The following PSME4 variants were observed in gnomAD, a reference collection of about 807,000 sequenced individuals.
PSME4 encodes the protein proteasome activator complex subunit 4.
A neutral mutation model predicts 253.9 loss-of-function variants in PSME4; 89 were observed. That is an observed-to-expected ratio of 0.35 (90% CI 0.30 to 0.42). The LOEUF is 0.42. PSME4 is among the 10% of genes least tolerant of loss of function. PSME4 has a pLI of 1.00. For synonymous variants in PSME4, 851 were observed against 759.2 expected (o/e 1.12, Z -1.99); for missense variants, 2,014 against 2,195.2 (o/e 0.92, Z 1.65).
At chr2:53,928,018 A>C (rs1469125233) in intron 11 of PSME4, 99 bp downstream of exon 11, 15 of 765,690 alleles carry the variant, frequency 2.0e-5, no homozygotes, top group Non-Finnish European at 3.1e-5. Context: ...TTTCATATTT[A>C]TATTAGGCTT....
At chr2:53,959,365 A>C (rs1276378488) in intron 1 of PSME4, among the ~76,000 whole-genome samples, 4 of 151,810 alleles carry the variant, frequency 2.6e-5, no homozygotes, top group African/African-American at 9.7e-5. Context: ...ACTCTGTCTC[A>C]AAAAAAAGAG....
intron 15 of PSME4, 25 bp from the exon 16 acceptor site, chr2:53,923,143 G>A (rs1488070993): frequency 6.3e-7 from 1 of 1,576,160 alleles, no homozygotes; most frequent in South Asian, 1.2e-5. Flanking sequence ...GTATAAGTAA[G>A]GCTTTTTTGA....
At chr2:53,879,289 G>C (rs1679273012) in intron 41 of PSME4, among the ~76,000 whole-genome samples, 1 of 152,228 alleles carries the variant, frequency 6.6e-6, no homozygotes, top group African/African-American at 2.4e-5. Flanking sequence ...ATTGGATCTA[G>C]AGAGTGTCTG....
intron 14 of PSME4, among the ~76,000 whole-genome samples, 156 bp from the exon 15 acceptor site, chr2:53,923,575 G>GTTAC (rs1218634242): frequency 6.6e-6 from 1 of 152,160 alleles, no homozygotes. Context: ...GTTTAATGAT[G>GTTAC]TTACATTCAG....
intron 30 of PSME4, 68 bp downstream of exon 30, chr2:53,898,233 C>T: frequency 7.1e-7 from 1 of 1,407,314 alleles, no homozygotes; most frequent in South Asian, 1.3e-5. Context: ...TCATAGCCTT[C>T]CATGTAGAAA....
At chr2:53,889,198 T>C (rs1405904590) in intron 37 of PSME4, among the ~76,000 whole-genome samples, 2 of 152,150 alleles carry the variant, frequency 1.3e-5, no homozygotes, top group African/African-American at 2.4e-5. Flanking sequence ...TGAAAACATA[T>C]ATAAGTATAG....
chr2:53,932,024 G>A lies in PSME4; in HGVS notation c.1127C>T (p.Pro376Leu). 2 of 1,613,450 alleles carry A rather than the reference G, an allele frequency of 1.2e-6. No homozygotes were observed. The highest frequency in any genetic ancestry group is 1.7e-6 in the Non-Finnish European group (2 of 1,179,460). ...RRLHRERYKK[P>L]SWLTPVPDSH... ...ATCAGGCACAGGAGTTAACCAAGAGGGCTTCTTGTATCTTTCACGATGCAA... is the reference window on the plus strand; with the variant it reads ...ATCAGGCACAGGAGTTAACCAAGAGAGCTTCTTGTATCTTTCACGATGCAA... The change falls in exon 10 of 47, where the codon CCC (proline) becomes CTC (leucine). Residue 376 changes from proline to leucine, a missense_variant. By Grantham distance (98) the Pro-to-Leu change is moderately conservative. Coordinates refer to ENST00000404125, the MANE Select transcript of PSME4 (RefSeq NM_014614.3).
intron 6 of PSME4, 130 bp from the exon 7 acceptor site, chr2:53,936,291 CTT>C (rs1027171513): frequency 7.7e-6 from 10 of 1,300,180 alleles, no homozygotes; most frequent in Admixed American, 3.4e-5. Context: ...TAGTTTATGA[CTT>C]TGTTTTTTTT....
At chr2:53,868,795 A>G (rs1022395215) in intron 44 of PSME4, among the ~76,000 whole-genome samples, 6 of 151,560 alleles carry the variant, frequency 4.0e-5, no homozygotes, top group African/African-American at 1.5e-4. Flanking sequence ...TGTATTTTCT[A>G]TTATGATTAC....
chr2:53,920,859 C>G (rs1249104816), intron 18 of PSME4, 30 bp downstream of exon 18: 1 of 1,527,548 alleles, frequency 6.5e-7, no homozygotes, highest in Non-Finnish European at 9.0e-7. Context: ...TCAACATATT[C>G]TTGAATCCTA....
In PSME4 at chr2:53,888,724, G is replaced by T; in HGVS notation, c.4385C>A (p.Ala1462Glu). Residue 1462 changes from alanine (A) to glutamate (E), a missense_variant, in exon 38 of 47, where the codon GCA (alanine) becomes GAA (glutamate). By Grantham distance (107) the Ala-to-Glu change is moderately radical. Coordinates refer to ENST00000404125, the MANE Select transcript of PSME4 (RefSeq NM_014614.3). ...LSGEGGSFVD[A>E]CRLYVLQGGL... Reference sequence around the variant, plus strand: ...TAGGTTTTTTAAAAAAATTTACCATGCATCTACAAAGGATCCTCCTTCACC... The same window carrying T: ...TAGGTTTTTTAAAAAAATTTACCATTCATCTACAAAGGATCCTCCTTCACC... 6.2e-7 allele frequency: 1 copy of T among 1,605,454 alleles called. No individual in the cohort carries two copies.
At position 53,949,199 on chromosome 2, in the gene PSME4, T is replaced by C; in HGVS notation, c.327A>G (p.Pro109=). 6.2e-7 allele frequency: 1 copy of C among 1,612,142 alleles called. No homozygotes were observed. The highest frequency in any genetic ancestry group is 2.2e-5 in the East Asian group (1 of 44,816). Residue 109 remains proline (P), a synonymous_variant, in exon 2 of 47, where the codon CCA becomes CCG. Transcript: ENST00000404125. ...IKLLYELVSI[P]KLEISMMQGF... ...CCTGCATCATGCTGATTTCCAGTTTTGGAATTGATACCAGCTCATACAATA... is the reference window on the plus strand; with the variant it reads ...CCTGCATCATGCTGATTTCCAGTTTCGGAATTGATACCAGCTCATACAATA...
chr2:53,923,334 C>T lies in PSME4; in HGVS notation c.1895G>A (p.Arg632His), dbSNP rs377452212. The T allele has an allele frequency of 9.9e-5, 159 of 1,605,134 alleles. No individual in the cohort carries two copies. Among genetic ancestry groups the T allele is most frequent in the Non-Finnish European group, 1.2e-4 (142 of 1,177,760 alleles). ...VAGRMVADMC[R>H]AAVKCCPEES... is the part of the protein sequence containing the mutation. Reference sequence around the variant, plus strand: ...AAATAAACTCACCTTTACAGCAGCGCGGCACATGTCTGCCACCATGCGACC... The same window carrying T: ...AAATAAACTCACCTTTACAGCAGCGTGGCACATGTCTGCCACCATGCGACC... Residue 632 changes from arginine (R) to histidine (H), a missense_variant, in exon 15 of 47, where the codon CGC (arginine) becomes CAC (histidine). Coordinates refer to ENST00000404125, the MANE Select transcript of PSME4 (RefSeq NM_014614.3).
chr2:53,956,779 T>A (rs577384605), intron 1 of PSME4, among the ~76,000 whole-genome samples: 2 of 151,972 alleles, frequency 1.3e-5, no homozygotes, highest in East Asian at 2.0e-4. Context: ...AATGAAAAAA[T>A]TAATATCAAA....
Position 53,869,712 on chromosome 2 carries a change from G to C in PSME4, c.5101-174C>G, listed in dbSNP as rs535975422. Reference sequence around the variant, plus strand: ...ATTTCAGCAGATTCTCAAAGAGTTTGTGGCCTCATAATGGATAAAAACTAC... The same window carrying C: ...ATTTCAGCAGATTCTCAAAGAGTTTCTGGCCTCATAATGGATAAAAACTAC... On this transcript the variant is annotated intron_variant, in intron 43 of 46. Coordinates refer to ENST00000404125, the MANE Select transcript of PSME4 (RefSeq NM_014614.3). 5.6e-5 allele frequency: 25 copies of C among 445,254 alleles called. No individual in the cohort carries two copies. In the East Asian group the frequency reaches 8.0e-4, roughly 14 times the overall value. 27.6% of individuals were successfully genotyped at this position (445,254 alleles called of 1,614,324 possible). A position where few individuals can be genotyped will look rare whatever the true frequency, so the allele number is the denominator to read the frequency against.
chr2:53,956,790 G>A (rs1277177561), intron 1 of PSME4, among the ~76,000 whole-genome samples: 2 of 151,820 alleles, frequency 1.3e-5, no homozygotes, highest in African/African-American at 4.8e-5. Flanking sequence ...TAATATCAAA[G>A]TTCTAATGTA....
intron 29 of PSME4, among the ~76,000 whole-genome samples, chr2:53,898,666 C>T (rs1680253297): frequency 6.6e-6 from 1 of 151,798 alleles, no homozygotes; most frequent in African/African-American, 2.4e-5. Flanking sequence ...CACACACACA[C>T]ACACACGATA....
intron 14 of PSME4, among the ~76,000 whole-genome samples, chr2:53,925,017 T>A (rs1668497514): frequency 6.6e-6 from 1 of 152,244 alleles, no homozygotes; most frequent in Admixed American, 6.5e-5. Context: ...GCAACATAAC[T>A]CATGCCTGTT....
intron 41 of PSME4, among the ~76,000 whole-genome samples, chr2:53,877,977 T>C (rs1006056290): frequency 5.3e-5 from 8 of 152,186 alleles, no homozygotes; most frequent in African/African-American, 1.9e-4. Context: ...CTGGGAAAAA[T>C]CGGGATGTTT....
Sources: allele counts gnomAD v4.1 joint callset (sites outside exome capture counted in the v4.1 genomes callset), GRCh38; gene constraint gnomAD v4.1.1; transcripts MANE v1.5; gene names NCBI Gene and HGNC (gene_info 2026-07-23, HGNC 2026-07-21).